The following TNNI3K variants were observed in gnomAD, a reference collection of about 807,000 sequenced individuals.
The protein encoded by TNNI3K is serine/threonine-protein kinase TNNI3K.
In TNNI3K, 140 loss-of-function variants were observed where a neutral mutation model predicts 114.5. The ratio of observed to expected loss-of-function variants is 1.22; its 90% CI spans 1.07 to 1.41. The LOEUF (loss-of-function observed/expected upper bound fraction) is 1.41. Ranked by LOEUF, TNNI3K falls within the 40% of genes most tolerant of loss-of-function variation. The pLI, the probability that TNNI3K is intolerant of heterozygous loss-of-function variation, is 0.00. For synonymous variants in TNNI3K, 347 were observed against 347.5 expected (o/e 1.00, Z 0.02); for missense variants, 1,125 against 1,007.6 (o/e 1.12, Z -1.58).
In TNNI3K at chr1:74,369,574, T is replaced by C; in HGVS notation, c.1656T>C (p.His552=). 6.2e-7 allele frequency: 1 copy of C among 1,607,320 alleles called. No individual in the cohort carries two copies. Among genetic ancestry groups the C allele is most frequent in the East Asian group, 2.2e-5 (1 of 44,794 alleles). ...ISGGSLFSLL[H]EQKRILDLQS... ...GGGGTTCTCTGTTCTCCCTCCTTCATGAGCAGAAGAGGTATGGGTCTTTTG... is the reference window on the plus strand; with the variant it reads ...GGGGTTCTCTGTTCTCCCTCCTTCACGAGCAGAAGAGGTATGGGTCTTTTG... The change falls in exon 16 of 25, where the codon CAT becomes CAC. Residue 552 remains histidine, a synonymous_variant. Coordinates refer to ENST00000326637, the MANE Select transcript of TNNI3K (RefSeq NM_015978.3).
intron 23 of TNNI3K, among the ~76,000 whole-genome samples, chr1:74,535,172 T>C (rs968726448): frequency 6.6e-6 from 1 of 152,150 alleles, no homozygotes; most frequent in Non-Finnish European, 1.5e-5. Flanking sequence ...GTCTGCATGA[T>C]TCATGAATGC....
chr1:74,255,831 A>G (rs954295613), intron 4 of TNNI3K, among the ~76,000 whole-genome samples: 5 of 152,148 alleles, frequency 3.3e-5, no homozygotes, highest in South Asian at 4.1e-4. Context: ...TTCTGTCACT[A>G]TAGTTTTCTC....
chr1:74,497,420 C>G (rs941467009), intron 23 of TNNI3K, among the ~76,000 whole-genome samples: 1 of 152,084 alleles, frequency 6.6e-6, no homozygotes, highest in Non-Finnish European at 1.5e-5. Flanking sequence ...CTCTCCATCC[C>G]TAACTTCTTG....
At chr1:74,418,198 A>C (rs1390990031) in intron 17 of TNNI3K, 6 of 453,404 alleles carry the variant, frequency 1.3e-5, no homozygotes, top group Admixed American at 7.1e-5. Context: ...TGATTGCTAG[A>C]GCTCAAGCAG....
At chr1:74,354,224 G>T in intron 11 of TNNI3K, 95 bp downstream of exon 11, 1 of 1,551,504 alleles carries the variant, frequency 6.4e-7, no homozygotes, top group Non-Finnish European at 8.7e-7. Flanking sequence ...TGCATGACTT[G>T]AACACTCTCA....
At chr1:74,389,224 A>G (rs756980931) in intron 17 of TNNI3K, among the ~76,000 whole-genome samples, 2 of 152,202 alleles carry the variant, frequency 1.3e-5, no homozygotes, top group Admixed American at 6.5e-5. Flanking sequence ...AAAGGAATCT[A>G]AAGATTACAG....
rs150418435 is a variant in TNNI3K, at chr1:74,300,315, A to G, written c.444+28607A>G. 6.7e-3 allele frequency among the ~76,000 whole-genome samples: 1,023 copies of G among 152,340 alleles called. 6 individuals are homozygous for G. Among genetic ancestry groups the G allele is most frequent in the Non-Finnish European group, 0.01 (707 of 68,026 alleles). ...CACCTACATATGTGCTCACATAGTC[A>G]TATATTTTACAGTCTATTTAAGTCA... On this transcript the variant is annotated intron_variant, in intron 5 of 24. Coordinates refer to ENST00000326637, the MANE Select transcript of TNNI3K (RefSeq NM_015978.3).
At chr1:74,523,868 GCACCCATTAATCTGT>G (rs1297233079) in intron 23 of TNNI3K, among the ~76,000 whole-genome samples, 1 of 152,096 alleles carries the variant, frequency 6.6e-6, no homozygotes, top group Non-Finnish European at 1.5e-5. Flanking sequence ...GTGGTTTGCT[GCACCCATTAATCTGT>G]CATCTACATT....
intron 23 of TNNI3K, among the ~76,000 whole-genome samples, chr1:74,536,416 G>A (rs551852877): frequency 4.4e-4 from 67 of 152,042 alleles, no homozygotes; most frequent in Non-Finnish European, 8.2e-4. Flanking sequence ...TACCCCTAAA[G>A]CATGAATTAA....
intron 5 of TNNI3K, among the ~76,000 whole-genome samples, chr1:74,294,288 T>C (rs1254150906): frequency 6.6e-6 from 1 of 152,018 alleles, no homozygotes; most frequent in Admixed American, 6.6e-5. Flanking sequence ...GAAAAGTTTG[T>C]GAAGATTTAT....
At chr1:74,466,594 T>C (rs1667692328) in intron 21 of TNNI3K, among the ~76,000 whole-genome samples, 1 of 152,190 alleles carries the variant, frequency 6.6e-6, no homozygotes, top group South Asian at 2.1e-4. Flanking sequence ...AGAAAAAGCA[T>C]ATTAGGAAAG....
At position 74,544,010 on chromosome 1, in the gene TNNI3K, T is replaced by C. The variant is rs756177984; in HGVS notation, c.*28T>C. 3 of 1,595,882 alleles carry C rather than the reference T, an allele frequency of 1.9e-6. No individual in the cohort carries two copies. The highest frequency in any genetic ancestry group is 1.1e-5 in the South Asian group (1 of 87,388). ...GCATTCGGCGTATACCTAAGGAGAGTTTTTTCCCCGAACTGACAGCAACGA... is the reference window on the plus strand; with the variant it reads ...GCATTCGGCGTATACCTAAGGAGAGCTTTTTCCCCGAACTGACAGCAACGA... On this transcript the variant is annotated 3_prime_UTR_variant, in exon 25 of 25. Coordinates refer to ENST00000326637, the MANE Select transcript of TNNI3K (RefSeq NM_015978.3).
chr1:74,343,156 C>G lies in TNNI3K; in HGVS notation c.909C>G (p.Ile303Met). 2 of 1,612,384 alleles carry G rather than the reference C, an allele frequency of 1.2e-6. No homozygotes were observed. Among genetic ancestry groups the G allele is most frequent in the South Asian group, 1.1e-5 (1 of 90,912 alleles). The stretch of plus-strand genomic sequence containing the variant: ...CAGAAAGTCTGACTAAGGAAAACAT[C>G]TTCAGTGAAACAGCTTTTCATAGGT... ...SGTESLTKENIFSETAFHSAC... is the reference protein window; with the variant it reads ...SGTESLTKENMFSETAFHSAC... The change falls in exon 9 of 25, where the codon ATC (isoleucine) becomes ATG (methionine). Residue 303 changes from isoleucine (I) to methionine (M), a missense_variant. Physicochemically the swap from Ile to Met is conservative, Grantham distance 10 (BLOSUM62 1). Transcript: ENST00000326637.
chr1:74,446,407 T>C (rs1332866917), intron 20 of TNNI3K, among the ~76,000 whole-genome samples: 2 of 150,966 alleles, frequency 1.3e-5, no homozygotes, highest in African/African-American at 2.4e-5. Context: ...TTCTTGTAAA[T>C]TTGTTTGAAT....
chr1:74,273,983 A>C (rs1287972933), intron 5 of TNNI3K, among the ~76,000 whole-genome samples: 1 of 151,902 alleles, frequency 6.6e-6, no homozygotes, highest in Non-Finnish European at 1.5e-5. Context: ...ACTTTTGACC[A>C]ATGTGGGAGT....
chr1:74,254,541 AT>A (rs898331061), intron 4 of TNNI3K, among the ~76,000 whole-genome samples: 4 of 151,946 alleles, frequency 2.6e-5, no homozygotes, highest in African/African-American at 9.7e-5. Context: ...ATTTCTTTGA[AT>A]TTTTTTGGTA....
At chr1:74,335,927 G>T in intron 6 of TNNI3K, 84 bp from the exon 7 acceptor site, 1 of 1,445,546 alleles carries the variant, frequency 6.9e-7, no homozygotes. Context: ...TGTGGTTTAA[G>T]CCAGTTGTGT....
intron 2 of TNNI3K, among the ~76,000 whole-genome samples, chr1:74,243,373 G>A (rs1024916480): frequency 6.6e-6 from 1 of 152,118 alleles, no homozygotes; most frequent in Non-Finnish European, 1.5e-5. Context: ...CAATGAATAG[G>A]CAAGAAGTTG....
At chr1:74,381,576 AATTGG>A (rs1458453173) in intron 17 of TNNI3K, among the ~76,000 whole-genome samples, 1 of 152,108 alleles carries the variant, frequency 6.6e-6, no homozygotes, top group Non-Finnish European at 1.5e-5. Flanking sequence ...TCTGGGAAAT[AATTGG>A]ATTGTTTTAC....
Sources: allele counts gnomAD v4.1 joint callset (sites outside exome capture counted in the v4.1 genomes callset), GRCh38; gene constraint gnomAD v4.1.1; transcripts MANE v1.5; gene names NCBI Gene and HGNC (gene_info 2026-07-23, HGNC 2026-07-21).